The following MAF variants were observed in gnomAD, a reference collection of about 807,000 sequenced individuals.
MAF encodes MAF bZIP transcription factor.
In MAF, 10 loss-of-function variants were observed where a neutral mutation model predicts 22.0. The observed-to-expected ratio is 0.45, with a 90% CI of 0.28 to 0.77. MAF has a LOEUF of 0.77. Ranked by LOEUF, MAF falls within the 30% of genes least tolerant of loss-of-function variation. The pLI, the probability that MAF is intolerant of heterozygous loss-of-function variation, is 0.12. For synonymous variants in MAF, 337 were observed against 255.8 expected (o/e 1.32, Z -3.03); for missense variants, 544 against 548.4 (o/e 0.99, Z 0.08).
At chr16:79,392,780 A>G in the MAF span, among the ~76,000 whole-genome samples, 2 of 152,174 alleles carry the variant, frequency 1.3e-5, no homozygotes, top group African/African-American at 4.8e-5. Context: ...CTATCCCCAC[A>G]GCTTCCCTAC....
At chr16:79,314,487 G>A in the MAF span, among the ~76,000 whole-genome samples, 6 of 152,196 alleles carry the variant, frequency 3.9e-5, no homozygotes, top group Non-Finnish European at 7.3e-5. Context: ...CTATCTCTCA[G>A]GGGTCAGCTT....
chr16:79,581,357 C>G (rs946346126), downstream of MAF, among the ~76,000 whole-genome samples: 6 of 152,212 alleles, frequency 3.9e-5, no homozygotes, highest in African/African-American at 1.4e-4. Context: ...CTTTAATTAA[C>G]TACCACCGGC....
At chr16:79,203,254 C>T in the MAF span, 25 of 152,298 alleles carry the variant, frequency 1.6e-4, no homozygotes, top group African/African-American at 3.4e-4. Context: ...ACAGTATGTT[C>T]TAAATGAAAT....
the MAF span, among the ~76,000 whole-genome samples, chr16:79,430,349 G>A: frequency 6.6e-6 from 1 of 152,202 alleles, no homozygotes; most frequent in Admixed American, 6.5e-5. Context: ...GCTGAGCAGG[G>A]TCTTCCCGTC....
chr16:79,319,828 T>G, the MAF span, among the ~76,000 whole-genome samples: 1 of 152,268 alleles, frequency 6.6e-6, no homozygotes, highest in East Asian at 1.9e-4. Context: ...CATAGAGAAA[T>G]ACGGAAATAC....
At chr16:79,396,029 T>A in the MAF span, among the ~76,000 whole-genome samples, 4 of 152,322 alleles carry the variant, frequency 2.6e-5, no homozygotes, top group South Asian at 4.1e-4. Context: ...TGTCTTGGCA[T>A]CTTGGAGATA....
At chr16:79,216,321 C>CAAT in the MAF span, among the ~76,000 whole-genome samples, 16 of 152,262 alleles carry the variant, frequency 1.1e-4, no homozygotes, top group African/African-American at 3.6e-4. Context: ...ATATATGTGG[C>CAAT]ACATGTGCAT....
At chr16:79,322,314 CA>C in the MAF span, among the ~76,000 whole-genome samples, 2 of 152,142 alleles carry the variant, frequency 1.3e-5, no homozygotes, top group African/African-American at 4.8e-5. Context: ...TATCGGCACT[CA>C]GGGGGTCACC....
Position 79,599,478 on chromosome 16 carries a change from G to T in MAF, c.425C>A (p.Ala142Asp), listed in dbSNP as rs1460184131. 1 of 1,395,934 alleles carries T rather than the reference G, an allele frequency of 7.2e-7. No homozygotes were observed. The highest frequency in any genetic ancestry group is 2.9e-5 in the East Asian group (1 of 33,948). 86.5% of individuals were successfully genotyped at this position (1,395,934 alleles called of 1,614,324 possible). A position where few individuals can be genotyped will look rare whatever the true frequency, so the allele number is the denominator to read the frequency against. Reference protein sequence around the residue: ...ARGAQQLAAAAGAGAGASLGG... With the variant: ...ARGAQQLAAADGAGAGASLGG... ...CAAGGAGGCGCCGGCACCGGCCCCG[G>T]CCGCCGCGGCCAGCTGCTGCGCCCC... is the stretch of plus-strand genomic sequence containing the variant. The change falls in exon 1 of 2, where the codon GCC becomes GAC. Residue 142 changes from alanine (A) to aspartate (D), a missense_variant. Physicochemically the swap from Ala to Asp is moderately radical, Grantham distance 126. Transcript: ENST00000326043.
At chr16:79,314,163 T>C in the MAF span, among the ~76,000 whole-genome samples, 3 of 152,154 alleles carry the variant, frequency 2.0e-5, no homozygotes, top group African/African-American at 7.2e-5. Context: ...GCTGTTGTTA[T>C]TAATAAATCC....
At chr16:79,289,867 T>TTTC in the MAF span, among the ~76,000 whole-genome samples, 37 of 118,510 alleles carry the variant, frequency 3.1e-4, 1 homozygote, top group Admixed American at 5.8e-4. Context: ...TTTTTTTTTT[T>TTTC]TGTGAGACGG....
chr16:79,224,557 A>T, the MAF span, among the ~76,000 whole-genome samples: 1 of 152,220 alleles, frequency 6.6e-6, no homozygotes, highest in Non-Finnish European at 1.5e-5. Flanking sequence ...TTAGGAAAAA[A>T]GGAAGTCAAA....
At chr16:79,351,529 T>C in the MAF span, among the ~76,000 whole-genome samples, 1 of 152,118 alleles carries the variant, frequency 6.6e-6, no homozygotes, top group African/African-American at 2.4e-5. Flanking sequence ...TGCATCTCTA[T>C]GCAGAATGAT....
At chr16:79,508,565 T>G in the MAF span, among the ~76,000 whole-genome samples, 1 of 152,176 alleles carries the variant, frequency 6.6e-6, no homozygotes, top group Non-Finnish European at 1.5e-5. Context: ...CACCAAAGGC[T>G]CCCCAGCTCT....
At chr16:79,482,861 TC>T in the MAF span, among the ~76,000 whole-genome samples, 1 of 25,272 alleles carries the variant, frequency 4.0e-5, no homozygotes, top group East Asian at 1.5e-3. Context: ...CTCCCCTCCC[TC>T]CCTCCCTCTC....
At chr16:79,276,778 AACG>A in the MAF span, among the ~76,000 whole-genome samples, 1 of 152,116 alleles carries the variant, frequency 6.6e-6, no homozygotes, top group Non-Finnish European at 1.5e-5. Flanking sequence ...ATGACCATAA[AACG>A]CATGGCCTAG....
the MAF span, among the ~76,000 whole-genome samples, chr16:79,239,395 T>C: frequency 6.6e-6 from 1 of 151,926 alleles, no homozygotes; most frequent in African/African-American, 2.4e-5. Flanking sequence ...TTGGAATGAG[T>C]TGGTTATCCA....
At chr16:79,354,071 C>T in the MAF span, among the ~76,000 whole-genome samples, 1 of 152,160 alleles carries the variant, frequency 6.6e-6, no homozygotes, top group African/African-American at 2.4e-5. Context: ...TCACGGCTCA[C>T]TGCAGCCTCA....
At chr16:79,525,244 A>G in the MAF span, among the ~76,000 whole-genome samples, 1 of 152,138 alleles carries the variant, frequency 6.6e-6, no homozygotes, top group African/African-American at 2.4e-5. Context: ...ATAGCTATGC[A>G]CAGCTTCTCT....
Sources: allele counts gnomAD v4.1 joint callset (sites outside exome capture counted in the v4.1 genomes callset), GRCh38; gene constraint gnomAD v4.1.1; transcripts MANE v1.5; gene names NCBI Gene and HGNC (gene_info 2026-07-23, HGNC 2026-07-21).